The following SLC1A1 variants were observed in gnomAD, a reference collection of about 807,000 sequenced individuals.
SLC1A1 encodes solute carrier family 1 member 1.
SLC1A1 carries 43 observed loss-of-function variants against 53.3 expected under a neutral mutation model. The observed-to-expected ratio is 0.81, with a 90% confidence interval of 0.63 to 1.04. SLC1A1 has a LOEUF of 1.04. Among genes scored for constraint, SLC1A1 ranks in the 50% least tolerant of loss-of-function variants. SLC1A1 has a pLI of 0.00. For synonymous variants in SLC1A1, 307 were observed against 243.2 expected, an observed-to-expected ratio of 1.26 and a Z score of -2.44; for missense variants, 748 against 664.9, an observed-to-expected ratio of 1.12 and a Z score of -1.37.
chr9:4,569,610 G>A (rs188840930), intron 6 of SLC1A1, among the ~76,000 whole-genome samples: 56 of 152,322 alleles, frequency 3.7e-4, no homozygotes, highest in African/African-American at 1.3e-3. Flanking sequence ...AGGAGAAAAG[G>A]AGTGTTCATT....
intron 1 of SLC1A1, among the ~76,000 whole-genome samples, chr9:4,535,097 T>C (rs565149457): frequency 1.3e-5 from 2 of 152,206 alleles, no homozygotes; most frequent in East Asian, 3.9e-4. Flanking sequence ...CCACAGCCAA[T>C]ATCATACTGA....
At chr9:4,507,473 CT>C (rs1563997754) in intron 1 of SLC1A1, among the ~76,000 whole-genome samples, 1 of 152,106 alleles carries the variant, frequency 6.6e-6, no homozygotes, top group Non-Finnish European at 1.5e-5. Flanking sequence ...GTCTTAAATT[CT>C]TTAAATTCTT....
At chr9:4,543,540 T>C (rs1414185438) in intron 1 of SLC1A1, among the ~76,000 whole-genome samples, 1 of 152,232 alleles carries the variant, frequency 6.6e-6, no homozygotes, top group East Asian at 1.9e-4. Context: ...TATGGGCATC[T>C]TGTTAAGGAA....
intron 1 of SLC1A1, among the ~76,000 whole-genome samples, chr9:4,505,033 G>A: frequency 7.1e-6 from 1 of 140,680 alleles, no homozygotes; most frequent in East Asian, 2.1e-4. Flanking sequence ...GGGTGTATGT[G>A]TACATATATT....
In SLC1A1 at chr9:4,549,987, A is replaced by C. The variant is rs1817795143; in HGVS notation, c.232+5280A>C. 6.6e-6 allele frequency among the ~76,000 whole-genome samples: 1 copy of C among 152,170 alleles called. No homozygotes were observed. The highest frequency in any genetic ancestry group is 2.4e-5 in the African/African-American group (1 of 41,424). On this transcript the variant is annotated intron_variant, in intron 2 of 11. Coordinates refer to ENST00000262352, the MANE Select transcript of SLC1A1 (RefSeq NM_004170.6). This position sits in a 1 kb window ranked among gnomAD's most constrained non-coding sequence, Gnocchi z 4.1. The stretch of plus-strand genomic sequence containing the variant: ...CAAACAAGGGCACACACAGCTCCTC[A>C]AGAAACAGCACCAGTTTGCAGCTCA...
At chr9:4,514,070 G>C (rs778602471) in intron 1 of SLC1A1, among the ~76,000 whole-genome samples, 121 of 152,230 alleles carry the variant, frequency 7.9e-4, no homozygotes, top group Non-Finnish European at 1.5e-3. Flanking sequence ...TACAGCATGA[G>C]AGAGCTCTTT....
At chr9:4,503,855 T>A (rs1432974244) in intron 1 of SLC1A1, among the ~76,000 whole-genome samples, 1 of 148,768 alleles carries the variant, frequency 6.7e-6, no homozygotes, top group East Asian at 1.9e-4. Context: ...CACTGAAGAA[T>A]TAAAACAGGT....
rs1382430882 is a variant in SLC1A1 at position 4,583,262 on chromosome 9, C to T, written c.1328+90C>T. The T allele has an allele frequency of 6.5e-7, 1 of 1,535,392 alleles. No homozygotes were observed. Among genetic ancestry groups the T allele is most frequent in the Non-Finnish European group, 9.0e-7 (1 of 1,110,650 alleles). The stretch of plus-strand genomic sequence containing the variant: ...CTGCAGTCTGTCATCATTCTCTCCT[C>T]AGATTGCCTAATGAGCCACCTGTTG... On this transcript the variant is annotated intron_variant, in intron 11 of 11. Transcript: ENST00000262352. This position sits in a 1 kb window ranked among gnomAD's most constrained non-coding sequence, Gnocchi z 4.6.
At chr9:4,544,487 G>A in intron 1 of SLC1A1, 80 bp from the exon 2 acceptor site, 1 of 1,218,950 alleles carries the variant, frequency 8.2e-7, no homozygotes, top group Admixed American at 1.7e-5. Context: ...TGTGCATTTG[G>A]GAGTATTTTT....
chr9:4,539,583 A>G (rs892162097), intron 1 of SLC1A1, among the ~76,000 whole-genome samples: 1 of 151,546 alleles, frequency 6.6e-6, no homozygotes, highest in Non-Finnish European at 1.5e-5. Context: ...TTATTTATTT[A>G]TTTTTTGAGA....
intron 5 of SLC1A1, among the ~76,000 whole-genome samples, chr9:4,566,335 C>T (rs543659272): frequency 1.3e-4 from 20 of 152,114 alleles, no homozygotes; most frequent in Non-Finnish European, 2.4e-4. Flanking sequence ...CCCAAAAAGG[C>T]TCAAATGGTA....
chr9:4,499,919 A>C (rs1452313113), intron 1 of SLC1A1, among the ~76,000 whole-genome samples: 1 of 152,250 alleles, frequency 6.6e-6, no homozygotes, highest in Non-Finnish European at 1.5e-5. Flanking sequence ...GGTGGAGCTC[A>C]GGTGGGTAAA....
At chr9:4,514,925 TAC>T (rs1723951317) in intron 1 of SLC1A1, among the ~76,000 whole-genome samples, 1 of 151,990 alleles carries the variant, frequency 6.6e-6, no homozygotes, top group Admixed American at 6.6e-5. Flanking sequence ...TACTTTACAT[TAC>T]AGTGTAAAGG....
chr9:4,571,253 G>A (rs990508340), intron 6 of SLC1A1, among the ~76,000 whole-genome samples: 5 of 152,226 alleles, frequency 3.3e-5, no homozygotes, highest in African/African-American at 7.2e-5. Flanking sequence ...TGGGAGGAGG[G>A]AGAGGATCAG....
At chr9:4,528,338 C>T (rs192173127) in intron 1 of SLC1A1, among the ~76,000 whole-genome samples, 8 of 152,158 alleles carry the variant, frequency 5.3e-5, no homozygotes, top group Admixed American at 2.6e-4. Flanking sequence ...TTTGGGAGGC[C>T]GAGGCAGGCA....
chr9:4,503,585 G>C (rs1445710874), intron 1 of SLC1A1, among the ~76,000 whole-genome samples: 1 of 151,784 alleles, frequency 6.6e-6, no homozygotes, highest in Non-Finnish European at 1.5e-5. Flanking sequence ...TAGGATTTCT[G>C]GGCTTGAAGA....
intron 1 of SLC1A1, among the ~76,000 whole-genome samples, chr9:4,507,533 C>T (rs969059163): frequency 1.3e-5 from 2 of 152,098 alleles, no homozygotes; most frequent in African/African-American, 4.8e-5. Flanking sequence ...TTTCTGTGGT[C>T]CTTCTGGGAG....
At chr9:4,564,530 A>AT (rs1338788460) in intron 4 of SLC1A1, 72 bp downstream of exon 4, 2 of 865,384 alleles carry the variant, frequency 2.3e-6, no homozygotes, top group Non-Finnish European at 3.9e-6. Context: ...GTGGTTTAAT[A>AT]TTCTGCTGTT....
intron 1 of SLC1A1, among the ~76,000 whole-genome samples, chr9:4,524,654 G>A (rs1816197056): frequency 6.6e-6 from 1 of 152,166 alleles, no homozygotes; most frequent in Non-Finnish European, 1.5e-5. Context: ...CTTTCGAGCT[G>A]CATCAAAATA....
Sources: allele counts gnomAD v4.1 joint callset (sites outside exome capture counted in the v4.1 genomes callset), GRCh38; gene constraint gnomAD v4.1.1; non-coding constraint Gnocchi (gnomAD v3.1); transcripts MANE v1.5; gene names NCBI Gene and HGNC (gene_info 2026-07-23, HGNC 2026-07-21).